The following COTL1 variants were observed in gnomAD, a reference collection of about 807,000 sequenced individuals.
COTL1 encodes the protein coactosin-like protein.
Under a neutral mutation model 16.5 loss-of-function variants are expected in COTL1, and 15 were observed. The ratio of observed to expected loss-of-function variants is 0.91; its 90% CI spans 0.61 to 1.40. The LOEUF is 1.40. COTL1 is among the 40% of genes most tolerant of loss of function. The pLI is 0.00. For synonymous variants in COTL1, 112 were observed against 85.3 expected (o/e 1.31, Z -1.73); for missense variants, 220 against 201.5 (o/e 1.09, Z -0.56).
At chr16:84,593,787 C>T (rs1904931779) in intron 2 of COTL1, among the ~76,000 whole-genome samples, 1 of 152,224 alleles carries the variant, frequency 6.6e-6, no homozygotes, top group African/African-American at 2.4e-5. Flanking sequence ...GCGTGAGCCA[C>T]CGCGCCCGGC....
intron 2 of COTL1, among the ~76,000 whole-genome samples, chr16:84,598,514 G>A (rs1036711728): frequency 3.3e-5 from 5 of 152,104 alleles, no homozygotes; most frequent in African/African-American, 1.2e-4. Context: ...TCAGCAGCCG[G>A]CCCTGGTGGC....
At chr16:84,602,441 TGTCAGGATTTTTAAA>T (rs1379563048) in intron 2 of COTL1, among the ~76,000 whole-genome samples, 1 of 151,928 alleles carries the variant, frequency 6.6e-6, no homozygotes, top group African/African-American at 2.4e-5. Context: ...ACCAATTCTT[TGTCAGGATTTTTAAA>T]GTGTGACTTC....
chr16:84,607,582 G>C (rs1905239323), intron 2 of COTL1, among the ~76,000 whole-genome samples: 2 of 152,126 alleles, frequency 1.3e-5, no homozygotes. Flanking sequence ...CTGGGACTTG[G>C]GCATCCCTAA....
intron 3 of COTL1, among the ~76,000 whole-genome samples, chr16:84,571,282 G>A (rs532145852): frequency 4.5e-4 from 68 of 152,294 alleles, no homozygotes; most frequent in Non-Finnish European, 6.6e-4. Context: ...GTGCAAAGCC[G>A]AGCAGAGAGA....
intron 2 of COTL1, among the ~76,000 whole-genome samples, chr16:84,608,601 G>T (rs1905258448): frequency 6.6e-6 from 1 of 152,186 alleles, no homozygotes; most frequent in Non-Finnish European, 1.5e-5. Flanking sequence ...GCCCTTCAGG[G>T]TACCACTTAA....
intron 3 of COTL1, among the ~76,000 whole-genome samples, chr16:84,581,326 T>C (rs1253981642): frequency 6.6e-6 from 1 of 152,062 alleles, no homozygotes; most frequent in Non-Finnish European, 1.5e-5. Context: ...ACACGCCACA[T>C]AGAAATAAAC....
chr16:84,590,756 C>T lies in COTL1; in HGVS notation c.161-494G>A, dbSNP rs535314524. Among the ~76,000 whole-genome samples the T allele has an allele frequency of 5.9e-5, 9 of 152,294 alleles. No individual in the cohort carries two copies. Among genetic ancestry groups the T allele is most frequent in the African/African-American group, 2.2e-4 (9 of 41,570 alleles). On this transcript the variant is annotated intron_variant, in intron 2 of 3. Coordinates refer to ENST00000262428, the MANE Select transcript of COTL1 (RefSeq NM_021149.5). The surrounding 1 kb of genome is among the most constrained non-coding windows in gnomAD (Gnocchi z 5.5). Reference sequence around the variant, plus strand: ...TATTTAGGGACCAGAAATTCATCCTCTTTGTAGACCAGAAATTCATCAACT... The same window carrying T: ...TATTTAGGGACCAGAAATTCATCCTTTTTGTAGACCAGAAATTCATCAACT...
At chr16:84,570,074 G>A (rs986537974) in intron 3 of COTL1, among the ~76,000 whole-genome samples, 13 of 152,156 alleles carry the variant, frequency 8.5e-5, no homozygotes, top group Non-Finnish European at 1.5e-4. Flanking sequence ...TCAGGAGATC[G>A]AGACCAGCCT....
At chr16:84,616,385 C>G (rs935685353) in intron 2 of COTL1, 5 of 152,150 alleles carry the variant, frequency 3.3e-5, no homozygotes, top group African/African-American at 1.2e-4. Flanking sequence ...CGCCTGTAAT[C>G]CCAGCTACTC....
chr16:84,617,943 C>A lies in COTL1; in HGVS notation c.-29G>T, dbSNP rs780877751. ...CGCGGAGCCGCAGCGGGACACTGTC[C>A]GGGGCGGCCGAGCGCGCCCCTGGCC... is the stretch of plus-strand genomic sequence containing the variant. On this transcript the variant is annotated 5_prime_UTR_variant, in exon 1 of 4. Transcript: ENST00000262428. The A allele has an allele frequency of 1.5e-5, 22 of 1,511,512 alleles. No homozygotes were observed. The South Asian group carries it at 2.7e-4, about 19-fold the overall frequency. 93.6% of individuals were successfully genotyped at this position (1,511,512 alleles called of 1,614,324 possible). A position where few individuals can be genotyped will look rare whatever the true frequency, so the allele number is the denominator to read the frequency against.
At chr16:84,614,567 G>A (rs1449066037) in intron 2 of COTL1, among the ~76,000 whole-genome samples, 2 of 152,150 alleles carry the variant, frequency 1.3e-5, no homozygotes, top group Non-Finnish European at 2.9e-5. Context: ...GAGAATGCCT[G>A]AGTGCCAGAG....
intron 3 of COTL1, among the ~76,000 whole-genome samples, chr16:84,583,127 G>C (rs1904637573): frequency 6.6e-6 from 1 of 152,226 alleles, no homozygotes; most frequent in African/African-American, 2.4e-5. Context: ...AAGTGGCCGT[G>C]TCGGGGCTCT....
At chr16:84,609,673 G>A (rs1905280315) in intron 2 of COTL1, among the ~76,000 whole-genome samples, 1 of 152,174 alleles carries the variant, frequency 6.6e-6, no homozygotes, top group Admixed American at 6.5e-5. Flanking sequence ...AAGTGTCAAG[G>A]GCAGGACGGG....
At chr16:84,608,696 A>G (rs1163133327) in intron 2 of COTL1, among the ~76,000 whole-genome samples, 2 of 152,228 alleles carry the variant, frequency 1.3e-5, no homozygotes, top group Non-Finnish European at 2.9e-5. Flanking sequence ...GCTTGAGCCC[A>G]GGAGTTCGAG....
intron 3 of COTL1, among the ~76,000 whole-genome samples, chr16:84,585,252 G>C (rs1342497670): frequency 6.6e-6 from 1 of 151,818 alleles, no homozygotes. Flanking sequence ...CTTCTCGAGA[G>C]GCTGAAGCAC....
At chr16:84,582,209 G>T (rs1466370709) in intron 3 of COTL1, among the ~76,000 whole-genome samples, 1 of 151,748 alleles carries the variant, frequency 6.6e-6, no homozygotes, top group Non-Finnish European at 1.5e-5. Context: ...TGGCCAGGTT[G>T]GTCGCGAACT....
At position 84,618,002 on chromosome 16, in the gene COTL1, C is replaced by A; in HGVS notation, c.-88G>T. 1.2e-6 allele frequency: 1 copy of A among 847,750 alleles called. No individual in the cohort carries two copies. Among genetic ancestry groups the A allele is most frequent in the South Asian group, 4.1e-5 (1 of 24,166 alleles). 52.5% of individuals were successfully genotyped at this position (847,750 alleles called of 1,614,324 possible). A position where few individuals can be genotyped will look rare whatever the true frequency, so the allele number is the denominator to read the frequency against. ...GGATGGGAGCGCGGCGGGTACGCGC[C>A]GAGGGCGCACGGGCTGGCGGCGGTG... On this transcript the variant is annotated 5_prime_UTR_variant, in exon 1 of 4. Transcript: ENST00000262428.
chr16:84,581,346 C>T (rs1904587878), intron 3 of COTL1, among the ~76,000 whole-genome samples: 1 of 152,132 alleles, frequency 6.6e-6, no homozygotes, highest in Non-Finnish European at 1.5e-5. Flanking sequence ...CAGCTGAAAC[C>T]CTTTGAAGGC....
At chr16:84,584,493 G>C (rs1233470543) in intron 3 of COTL1, among the ~76,000 whole-genome samples, 1 of 152,218 alleles carries the variant, frequency 6.6e-6, no homozygotes, top group Non-Finnish European at 1.5e-5. Flanking sequence ...TGATGCACCT[G>C]TGTGCCGGCC....
Sources: allele counts gnomAD v4.1 joint callset (sites outside exome capture counted in the v4.1 genomes callset), GRCh38; gene constraint gnomAD v4.1.1; non-coding constraint Gnocchi (gnomAD v3.1); transcripts MANE v1.5; gene names NCBI Gene and HGNC (gene_info 2026-07-23, HGNC 2026-07-21).